Variants in ATRNL1 observed in about 807,000 individuals in gnomAD.
The protein encoded by ATRNL1 is attractin like 1.
ATRNL1 carries 95 observed loss-of-function variants against 182.7 expected under a neutral mutation model. That is an observed-to-expected ratio of 0.52 (90% CI 0.44 to 0.62). The LOEUF (loss-of-function observed/expected upper bound fraction) is 0.62. Ranked by LOEUF, ATRNL1 falls within the 20% of genes least tolerant of loss-of-function variation. ATRNL1 has a pLI of 0.00. For synonymous variants in ATRNL1, 576 were observed against 568.3 expected, an observed-to-expected ratio of 1.01 and a Z score of -0.19; for missense variants, 1,471 against 1,679.5, an observed-to-expected ratio of 0.88 and a Z score of 2.17.
rs190024212 is a variant in ATRNL1 at position 115,388,196 on chromosome 10, G to A, written c.3176-6463G>A. Reference sequence around the variant, plus strand: ...CAGTTTTTCATATTTTATATCTACTGTTTTGTACTAAGAGTGGTGTGCTGG... The same window carrying A: ...CAGTTTTTCATATTTTATATCTACTATTTTGTACTAAGAGTGGTGTGCTGG... On this transcript the variant is annotated intron_variant, in intron 19 of 28. Coordinates refer to ENST00000355044, the MANE Select transcript of ATRNL1 (RefSeq NM_207303.4). Among the ~76,000 whole-genome samples the A allele has an allele frequency of 2.6e-5, 4 of 152,156 alleles. No individual in the cohort carries two copies. The East Asian group carries it at 7.7e-4, about 29-fold the overall frequency.
chr10:115,703,060 A>T (rs1436274048), intron 26 of ATRNL1, among the ~76,000 whole-genome samples: 3 of 152,002 alleles, frequency 2.0e-5, no homozygotes, highest in African/African-American at 7.2e-5. Context: ...ACAAAGACAG[A>T]CACATAGACC....
intron 28 of ATRNL1, among the ~76,000 whole-genome samples, chr10:115,923,508 G>A (rs113984775): frequency 3.9e-5 from 6 of 152,166 alleles, no homozygotes; most frequent in Admixed American, 6.5e-5. Context: ...AACATGTGTC[G>A]TTTGGTTTTC....
At chr10:115,102,846 A>C (rs1176069814) in intron 1 of ATRNL1, among the ~76,000 whole-genome samples, 3 of 152,206 alleles carry the variant, frequency 2.0e-5, no homozygotes, top group South Asian at 2.1e-4. Flanking sequence ...GTCAATTAAA[A>C]AAGTCTTGCT....
At chr10:115,464,580 A>G (rs1206054107) in intron 22 of ATRNL1, among the ~76,000 whole-genome samples, 1 of 152,074 alleles carries the variant, frequency 6.6e-6, no homozygotes, top group African/African-American at 2.4e-5. Flanking sequence ...ATAATTCAGC[A>G]TTGCCTAAAC....
intron 25 of ATRNL1, among the ~76,000 whole-genome samples, chr10:115,524,943 G>A (rs983741969): frequency 1.3e-5 from 2 of 152,118 alleles, no homozygotes; most frequent in African/African-American, 4.8e-5. Flanking sequence ...TATTCCTCCT[G>A]TACTGTATAT....
rs561403431 is a variant in ATRNL1, at chr10:115,100,152, G to T, written c.293+6109G>T. Among the ~76,000 whole-genome samples the T allele has an allele frequency of 3.9e-5, 6 of 152,220 alleles. No homozygotes were observed. The East Asian group carries it at 1.2e-3, about 29-fold the overall frequency. Reference sequence around the variant, plus strand: ...ACAAAAACATTTGAAAAATTAGCTGGTCGTGGCGGTGTGCGCATTTAGCCC... The same window carrying T: ...ACAAAAACATTTGAAAAATTAGCTGTTCGTGGCGGTGTGCGCATTTAGCCC... On this transcript the variant is annotated intron_variant, in intron 1 of 28. Transcript: ENST00000355044.
At chr10:115,227,589 T>C (rs1347075069) in intron 9 of ATRNL1, among the ~76,000 whole-genome samples, 2 of 152,124 alleles carry the variant, frequency 1.3e-5, no homozygotes, top group East Asian at 3.9e-4. Context: ...AATAAATAAA[T>C]CATTCTACCA....
chr10:115,482,978 G>A (rs558848955), intron 24 of ATRNL1, among the ~76,000 whole-genome samples: 36 of 151,424 alleles, frequency 2.4e-4, no homozygotes, highest in African/African-American at 7.2e-4. Flanking sequence ...TTTGCTAATA[G>A]AAGAGTATAT....
chr10:115,147,643 GTA>G (rs1217460937), intron 5 of ATRNL1, among the ~76,000 whole-genome samples: 1 of 152,026 alleles, frequency 6.6e-6, no homozygotes, highest in Non-Finnish European at 1.5e-5. Flanking sequence ...GTTTATTTTT[GTA>G]TATGGTGAGA....
chr10:115,353,190 G>T (rs1294726881), intron 19 of ATRNL1, among the ~76,000 whole-genome samples: 1 of 152,118 alleles, frequency 6.6e-6, no homozygotes, highest in Non-Finnish European at 1.5e-5. Flanking sequence ...TTATTATATT[G>T]GAGTCTGTCT....
intron 18 of ATRNL1, among the ~76,000 whole-genome samples, chr10:115,333,837 A>G (rs1163110154): frequency 1.3e-5 from 2 of 152,198 alleles, no homozygotes; most frequent in Admixed American, 1.3e-4. Flanking sequence ...TATTCTGGTT[A>G]GAATCTATTG....
intron 8 of ATRNL1, among the ~76,000 whole-genome samples, chr10:115,185,823 A>G (rs981438863): frequency 1.3e-5 from 2 of 152,082 alleles, no homozygotes; most frequent in African/African-American, 2.4e-5. Flanking sequence ...ATCAAAATTA[A>G]CATCACAAAC....
At chr10:115,715,775 AAAG>A (rs1947229982) in intron 26 of ATRNL1, among the ~76,000 whole-genome samples, 1 of 152,240 alleles carries the variant, frequency 6.6e-6, no homozygotes, top group African/African-American at 2.4e-5. Context: ...CATGCTAAGT[AAAG>A]AAGACTTGTC....
At chr10:115,749,206 T>G (rs553082830) in intron 27 of ATRNL1, among the ~76,000 whole-genome samples, 1 of 152,012 alleles carries the variant, frequency 6.6e-6, no homozygotes, top group African/African-American at 2.4e-5. Flanking sequence ...CATAGTGTAT[T>G]TCAACCATCT....
At chr10:115,459,271 G>A (rs1288799646) in intron 21 of ATRNL1, among the ~76,000 whole-genome samples, 1 of 152,152 alleles carries the variant, frequency 6.6e-6, no homozygotes, top group Non-Finnish European at 1.5e-5. Context: ...AACAGCAATT[G>A]TTCAGGGAAT....
intron 21 of ATRNL1, among the ~76,000 whole-genome samples, chr10:115,450,466 C>A (rs906039176): frequency 6.6e-6 from 1 of 152,124 alleles, no homozygotes; most frequent in Non-Finnish European, 1.5e-5. Context: ...ACAAAAGTTA[C>A]TAGTGTTCCT....
chr10:115,532,031 G>T (rs375192133), intron 25 of ATRNL1, among the ~76,000 whole-genome samples: 5 of 150,728 alleles, frequency 3.3e-5, no homozygotes, highest in African/African-American at 4.9e-5. Context: ...GGTTACTGTA[G>T]CCTTGTAGTA....
chr10:115,926,318 A>C (rs888162529), intron 28 of ATRNL1, among the ~76,000 whole-genome samples: 47 of 220 alleles, frequency 0.21, no homozygotes, highest in Non-Finnish European at 0.29. Context: ...AAAGACCTCA[A>C]ATCGGACACC....
At chr10:115,590,477 T>C (rs1431128955) in intron 26 of ATRNL1, among the ~76,000 whole-genome samples, 1 of 152,120 alleles carries the variant, frequency 6.6e-6, no homozygotes, top group Non-Finnish European at 1.5e-5. Context: ...GCTTGCCCAG[T>C]AAGTAAATAC....
Sources: gnomAD v4.1 joint callset for allele counts (sites outside exome capture counted in the v4.1 genomes callset) on GRCh38, gnomAD v4.1.1 for gene constraint, MANE v1.5 for transcripts, NCBI Gene and HGNC (gene_info 2026-07-23, HGNC 2026-07-21) for gene names.